Variants in DSG2 observed in about 807,000 individuals in gnomAD.
DSG2 encodes desmoglein-2.
In DSG2, 45 loss-of-function variants were observed where a neutral mutation model predicts 75.6. The ratio of observed to expected loss-of-function variants is 0.60; its 90% confidence interval spans 0.47 to 0.76. DSG2 has a LOEUF of 0.76. DSG2 is among the 30% of genes least tolerant of loss of function. The pLI, the probability that DSG2 is intolerant of heterozygous loss-of-function variation, is 0.00. For missense variants in DSG2, 1,267 were observed against 1,357.4 expected, an observed-to-expected ratio of 0.93 and a Z score of 1.05; for synonymous variants, 429 against 483.9, an observed-to-expected ratio of 0.89 and a Z score of 1.49.
chr18:31,512,841 T>C (rs554624262), intron 1 of DSG2, among the ~76,000 whole-genome samples: 2 of 152,308 alleles, frequency 1.3e-5, no homozygotes, highest in South Asian at 4.1e-4. Flanking sequence ...CAAAACCTGG[T>C]CTGTCTTTGT....
At chr18:31,501,849 G>A (rs923913389) in intron 1 of DSG2, among the ~76,000 whole-genome samples, 1 of 152,042 alleles carries the variant, frequency 6.6e-6, no homozygotes, top group Non-Finnish European at 1.5e-5. Context: ...TCTTTTAGGG[G>A]TCATAATTTG....
chr18:31,540,285 A>C (rs930779172), intron 12 of DSG2, among the ~76,000 whole-genome samples: 2 of 152,164 alleles, frequency 1.3e-5, no homozygotes, highest in African/African-American at 4.8e-5. Context: ...GTGCAATTGA[A>C]AGCACAGCAC....
At position 31,518,228 on chromosome 18, in the gene DSG2, T is replaced by C. The variant is rs757891590; in HGVS notation, c.46-11T>C. 7 of 1,609,992 alleles carry C rather than the reference T, an allele frequency of 4.3e-6. 1 individual carries two copies. In the Admixed American group the frequency reaches 5.0e-5, roughly 11 times the overall value. ...TAAATTGGCTAAATATCAAATAATT[T>C]TATTTTACAGATCTGCTTTAACGTT... is the stretch of plus-strand genomic sequence containing the variant. On this transcript the variant is annotated splice_polypyrimidine_tract_variant and intron_variant, in intron 1 of 14. Transcript: ENST00000261590.
intron 8 of DSG2, among the ~76,000 whole-genome samples, chr18:31,525,380 A>G (rs1323292391): frequency 6.6e-6 from 1 of 152,082 alleles, no homozygotes; most frequent in Non-Finnish European, 1.5e-5. Context: ...TTAGCTGGGC[A>G]TGGCGGCACA....
At chr18:31,534,898 C>T (rs539013884) in intron 9 of DSG2, among the ~76,000 whole-genome samples, 96 of 152,324 alleles carry the variant, frequency 6.3e-4, no homozygotes, top group Non-Finnish European at 8.4e-4. Context: ...TCTTCTCCAC[C>T]AGTGCTTATT....
Position 31,542,607 on chromosome 18 carries a change from A to C in DSG2, c.2089A>C (p.Lys697Gln). ...AGGTATGGCCAAGGAAGCCACGATG[A>C]AAGGAAGTAGCTCTGCTTCCATTGT... ...VGGMAKEATMKGSSSASIVKG... is the reference protein window; with the variant it reads ...VGGMAKEATMQGSSSASIVKG... The change falls in exon 14 of 15, where the codon AAA (lysine) becomes CAA (glutamine). Residue 697 changes from lysine to glutamine, a missense_variant. Coordinates refer to ENST00000261590, the MANE Select transcript of DSG2 (RefSeq NM_001943.5). The C allele has an allele frequency of 6.2e-7, 1 of 1,614,158 alleles. No homozygotes were observed.
At chr18:31,499,576 T>A (rs1222782156) in intron 1 of DSG2, among the ~76,000 whole-genome samples, 3 of 152,186 alleles carry the variant, frequency 2.0e-5, no homozygotes, top group Non-Finnish European at 2.9e-5. Context: ...ACAAAACTTT[T>A]CTAAGACGTG....
chr18:31,518,785 A>G (rs908974511), intron 2 of DSG2, among the ~76,000 whole-genome samples: 2 of 152,172 alleles, frequency 1.3e-5, no homozygotes, highest in Non-Finnish European at 1.5e-5. Flanking sequence ...TAAAATACCT[A>G]TTACATAGAG....
Position 31,542,752 on chromosome 18 carries a change from C to T in DSG2, c.2234C>T (p.Thr745Met), listed in dbSNP as rs727504783. The change falls in exon 14 of 15, where the codon ACG (threonine) becomes ATG (methionine). Residue 745 changes from threonine to methionine, a missense_variant. Transcript: ENST00000261590. ...GGCGCTATCATGACCACTGAAACCA[C>T]GAAGACCGCAAGGGCCACAGGGGCT... Reference protein sequence around the residue: ...ATGAIMTTETTKTARATGASR... With the variant: ...ATGAIMTTETMKTARATGASR... The T allele has an allele frequency of 3.1e-5, 50 of 1,613,880 alleles. No individual in the cohort carries two copies. The highest frequency in any genetic ancestry group is 1.0e-4 in the Admixed American group (6 of 59,984).
chr18:31,533,062 A>G (rs1450099603), intron 9 of DSG2, among the ~76,000 whole-genome samples: 3 of 152,238 alleles, frequency 2.0e-5, no homozygotes, highest in African/African-American at 4.8e-5. Flanking sequence ...TAGAAAGAAA[A>G]GGTCTTAAAG....
In DSG2 at chr18:31,498,313, G is replaced by A. The variant is rs752853934; in HGVS notation, c.45+17G>A. ...CTTCTCCTGGTAAGTGCCGCAAGCG[G>A]GACAGGGGAGCCACCGCCGGGGAGG... On this transcript the variant is annotated intron_variant, in intron 1 of 14. Coordinates refer to ENST00000261590, the MANE Select transcript of DSG2 (RefSeq NM_001943.5). 52 of 1,257,958 alleles carry A rather than the reference G, an allele frequency of 4.1e-5. No homozygotes were observed. The highest frequency in any genetic ancestry group is 4.8e-5 in the Non-Finnish European group (48 of 994,402). 77.9% of individuals were successfully genotyped at this position (1,257,958 alleles called of 1,614,324 possible).
At chr18:31,502,574 AC>A (rs2073019037) in intron 1 of DSG2, among the ~76,000 whole-genome samples, 1 of 152,172 alleles carries the variant, frequency 6.6e-6, no homozygotes, top group African/African-American at 2.4e-5. Context: ...GCATGGTGAA[AC>A]CCCATCTCGA....
chr18:31,502,210 G>C (rs1297751856), intron 1 of DSG2, among the ~76,000 whole-genome samples: 2 of 152,192 alleles, frequency 1.3e-5, no homozygotes, highest in African/African-American at 4.8e-5. Flanking sequence ...CTAAATTAAA[G>C]TTTCCAAGGC....
intron 1 of DSG2, among the ~76,000 whole-genome samples, chr18:31,510,074 T>A (rs1352553633): frequency 6.6e-6 from 1 of 152,126 alleles, no homozygotes; most frequent in Non-Finnish European, 1.5e-5. Context: ...GGTTGGAAGG[T>A]TGAGTAACCA....
chr18:31,541,364 G>A (rs764249616), intron 13 of DSG2, 50 bp downstream of exon 13: 33 of 1,606,724 alleles, frequency 2.1e-5, no homozygotes, highest in Non-Finnish European at 2.7e-5. Flanking sequence ...GGGTTTTAAA[G>A]GGGCCTAGGG....
chr18:31,537,980 C>T (rs542557592), intron 11 of DSG2, among the ~76,000 whole-genome samples: 17 of 152,104 alleles, frequency 1.1e-4, no homozygotes, highest in East Asian at 5.8e-4. Flanking sequence ...GGCAACAGAA[C>T]GAGACTCCAT....
At chr18:31,538,652 TA>T in intron 11 of DSG2, 98 bp from the exon 12 acceptor site, 2 of 1,007,630 alleles carry the variant, frequency 2.0e-6, no homozygotes, top group African/African-American at 1.6e-5. Context: ...TAATTGGAGT[TA>T]AATACAATCA....
chr18:31,515,168 T>C (rs1240778183), intron 1 of DSG2, among the ~76,000 whole-genome samples: 1 of 152,138 alleles, frequency 6.6e-6, no homozygotes, highest in Non-Finnish European at 1.5e-5. Flanking sequence ...AGTGGCGCGA[T>C]CTCGGCCGAC....
intron 9 of DSG2, among the ~76,000 whole-genome samples, chr18:31,533,118 C>T (rs1461083988): frequency 6.6e-6 from 1 of 152,104 alleles, no homozygotes; most frequent in Non-Finnish European, 1.5e-5. Context: ...GGAGGCACAA[C>T]CAAGTTAAAT....
Sources: allele counts gnomAD v4.1 joint callset (sites outside exome capture counted in the v4.1 genomes callset), GRCh38; gene constraint gnomAD v4.1.1; transcripts MANE v1.5; gene names NCBI Gene and HGNC (gene_info 2026-07-23, HGNC 2026-07-21).